The following SKI variants were observed in gnomAD, a reference collection of about 807,000 sequenced individuals.
The protein encoded by SKI is SKI proto-oncogene.
A neutral mutation model predicts 59.3 loss-of-function variants in SKI; 23 were observed. The observed-to-expected ratio is 0.39, with a 90% CI of 0.28 to 0.55. SKI has a LOEUF of 0.55. Ranked by LOEUF, SKI falls within the 20% of genes least tolerant of loss-of-function variation. The probability of loss-of-function intolerance (pLI) is 0.67; values close to 1 mark genes in which losing one functional copy is unlikely to be tolerated. For missense variants in SKI, 1,017 were observed against 1,038.9 expected (o/e 0.98, Z 0.29); for synonymous variants, 673 against 488.6 (o/e 1.38, Z -4.98).
At chr1:2,300,610 A>G (rs986250757) in intron 1 of SKI, among the ~76,000 whole-genome samples, 1 of 152,144 alleles carries the variant, frequency 6.6e-6, no homozygotes, top group Non-Finnish European at 1.5e-5. Context: ...TCCCTCTGAG[A>G]GTGTCACTTC....
At chr1:2,230,250 G>A (rs1013206530) in intron 1 of SKI, among the ~76,000 whole-genome samples, 2 of 152,236 alleles carry the variant, frequency 1.3e-5, no homozygotes, top group African/African-American at 4.8e-5. Context: ...GCGAGGCCTG[G>A]TTTTGTTACT....
chr1:2,237,914 A>G (rs1000758464), intron 1 of SKI, among the ~76,000 whole-genome samples: 1 of 152,154 alleles, frequency 6.6e-6, no homozygotes, highest in African/African-American at 2.4e-5. Flanking sequence ...ATTTGACCCT[A>G]TCCAGGACGG....
intron 1 of SKI, among the ~76,000 whole-genome samples, chr1:2,293,986 A>T (rs1176861287): frequency 1.3e-5 from 2 of 152,032 alleles, no homozygotes; most frequent in Non-Finnish European, 2.9e-5. Context: ...TTCTCCTTTC[A>T]TCTGTGGCCT....
chr1:2,261,751 C>A (rs1277402360), intron 1 of SKI, among the ~76,000 whole-genome samples: 1 of 152,270 alleles, frequency 6.6e-6, no homozygotes, highest in East Asian at 1.9e-4. Context: ...TTAATGGCAC[C>A]GGCTAGGGCC....
intron 1 of SKI, among the ~76,000 whole-genome samples, chr1:2,238,988 C>T (rs894091764): frequency 1.3e-5 from 2 of 152,126 alleles, no homozygotes; most frequent in Non-Finnish European, 2.9e-5. Context: ...TGGCATGGTC[C>T]CTGGCCACCT....
chr1:2,231,254 CGTA>C (rs1242281607), intron 1 of SKI, among the ~76,000 whole-genome samples: 1 of 152,094 alleles, frequency 6.6e-6, no homozygotes, highest in Non-Finnish European at 1.5e-5. Context: ...GTGCAGGCTG[CGTA>C]GTGGGTCACC....
At chr1:2,231,866 C>G (rs549900573) in intron 1 of SKI, among the ~76,000 whole-genome samples, 3 of 152,222 alleles carry the variant, frequency 2.0e-5, no homozygotes, top group African/African-American at 7.2e-5. Context: ...CGTGGGATGG[C>G]GGCCAGGGAC....
chr1:2,233,831 A>G (rs557295898), intron 1 of SKI, among the ~76,000 whole-genome samples: 1 of 152,236 alleles, frequency 6.6e-6, no homozygotes, highest in African/African-American at 2.4e-5. Flanking sequence ...AAATGATCAC[A>G]GGAAGGGACA....
rs529839366 is a variant in SKI at position 2,249,338 on chromosome 1, G to A, written c.969+19603G>A. Reference sequence around the variant, plus strand: ...AGCGTGCAGGCCGGATGTTCCTAGCGTTGCCGGCCACGCAGACAGCCGTGC... The same window carrying A: ...AGCGTGCAGGCCGGATGTTCCTAGCATTGCCGGCCACGCAGACAGCCGTGC... On this transcript the variant is annotated intron_variant, in intron 1 of 6. Transcript: ENST00000378536. Among the ~76,000 whole-genome samples the A allele has an allele frequency of 1.1e-3, 174 of 152,338 alleles. 1 individual carries two copies. Among genetic ancestry groups the A allele is most frequent in the African/African-American group, 3.9e-3 (164 of 41,586 alleles).
rs150306072 is a variant in SKI at position 2,229,162 on chromosome 1, C to G, written c.396C>G (p.Arg132=). The part of the protein sequence containing the change: ...CLPQILNSVL[R]DFSLQQINAV... ...CGCAGATTCTCAACTCGGTGCTGCG[C>G]GACTTCTCGCTGCAGCAGATCAACG... The change falls in exon 1 of 7, where the codon CGC becomes CGG. Residue 132 remains arginine (R), a synonymous_variant. Transcript: ENST00000378536. The surrounding 1 kb of genome is among the most constrained non-coding windows in gnomAD (Gnocchi z 6.3). The G allele has an allele frequency of 6.2e-7, 1 of 1,611,742 alleles. No homozygotes were observed. Among genetic ancestry groups the G allele is most frequent in the Non-Finnish European group, 8.5e-7 (1 of 1,179,770 alleles).
Position 2,269,018 on chromosome 1 carries a change from C to G in SKI, c.970-33960C>G, listed in dbSNP as rs1020324773. ...CCAGGCTGGAGTGCAGCAGCACAGT[C>G]TTGCGGCCTCAACCTTGTTGGTTCA... On this transcript the variant is annotated intron_variant, in intron 1 of 6. Coordinates refer to ENST00000378536, the MANE Select transcript of SKI (RefSeq NM_003036.4). This position sits in a 1 kb window ranked among gnomAD's most constrained non-coding sequence, Gnocchi z 4.7. Among the ~76,000 whole-genome samples, 2 of 152,158 alleles carry G rather than the reference C, an allele frequency of 1.3e-5. No homozygotes were observed. Among genetic ancestry groups the G allele is most frequent in the African/African-American group, 2.4e-5 (1 of 41,420 alleles).
Position 2,306,227 on chromosome 1 carries a change from C to T in SKI, c.1975C>T (p.Leu659=). The part of the protein sequence containing the change: ...VCDKGCEAGR[L]RAKYSAQIED... ...CGACAAGGGCTGCGAGGCGGGCCGC[C>T]TGCGCGCCAAGTACTCGGCCCAGGT... Residue 659 remains leucine (L), a synonymous_variant, in exon 6 of 7, where the codon CTG becomes TTG. Transcript: ENST00000378536. 1 of 1,560,188 alleles carries T rather than the reference C, an allele frequency of 6.4e-7. No individual in the cohort carries two copies. Among genetic ancestry groups the T allele is most frequent in the Non-Finnish European group, 8.7e-7 (1 of 1,153,208 alleles).
At chr1:2,252,088 G>A (rs1011182274) in intron 1 of SKI, among the ~76,000 whole-genome samples, 2 of 152,174 alleles carry the variant, frequency 1.3e-5, no homozygotes, top group Non-Finnish European at 1.5e-5. Flanking sequence ...AGGTCTCTGT[G>A]CACCCCCCGG....
chr1:2,234,850 G>C (rs775318456), intron 1 of SKI, among the ~76,000 whole-genome samples: 1 of 152,214 alleles, frequency 6.6e-6, no homozygotes, highest in Non-Finnish European at 1.5e-5. Context: ...AGCTGGAAAA[G>C]AAGGCCCCTG....
At chr1:2,272,857 G>A (rs966840576) in intron 1 of SKI, among the ~76,000 whole-genome samples, 18 of 151,334 alleles carry the variant, frequency 1.2e-4, no homozygotes, top group African/African-American at 4.3e-4. Flanking sequence ...CCCGAGCCTC[G>A]CCCTCCCACG....
intron 1 of SKI, among the ~76,000 whole-genome samples, chr1:2,233,604 C>T (rs1040664504): frequency 2.6e-5 from 4 of 152,080 alleles, no homozygotes; most frequent in Non-Finnish European, 5.9e-5. Flanking sequence ...TTTCTGATCC[C>T]TCATGCTGGC....
At chr1:2,256,506 G>A (rs1363985652) in intron 1 of SKI, among the ~76,000 whole-genome samples, 2 of 152,190 alleles carry the variant, frequency 1.3e-5, no homozygotes, top group African/African-American at 4.8e-5. Context: ...TGCCCGCCCT[G>A]GGTATTTCTG....
intron 1 of SKI, among the ~76,000 whole-genome samples, chr1:2,277,504 G>A (rs1639768618): frequency 6.6e-6 from 1 of 152,168 alleles, no homozygotes; most frequent in African/African-American, 2.4e-5. Context: ...CCGCTGCCAT[G>A]TAAAAAGTGC....
At chr1:2,286,724 G>T (rs1640046782) in intron 1 of SKI, among the ~76,000 whole-genome samples, 1 of 152,206 alleles carries the variant, frequency 6.6e-6, no homozygotes, top group Non-Finnish European at 1.5e-5. Flanking sequence ...GCGTGTGGGG[G>T]CTGTGGGCGC....
Sources: gnomAD v4.1 joint callset for allele counts (sites outside exome capture counted in the v4.1 genomes callset) on GRCh38, gnomAD v4.1.1 for gene constraint, Gnocchi (gnomAD v3.1) non-coding constraint, MANE v1.5 for transcripts, NCBI Gene and HGNC (gene_info 2026-07-23, HGNC 2026-07-21) for gene names.